The following FMN1 variants were observed in gnomAD, a reference collection of about 807,000 sequenced individuals.
The protein encoded by FMN1 is formin 1, also known as formin-1.
Under a neutral mutation model 132.4 loss-of-function variants are expected in FMN1, and 110 were observed. The ratio of observed to expected loss-of-function variants is 0.83; its 90% CI spans 0.71 to 0.97. The LOEUF (loss-of-function observed/expected upper bound fraction) is 0.97, where lower values mean the gene tolerates loss of function less well. Ranked by LOEUF, FMN1 falls within the 50% of genes least tolerant of loss-of-function variation. The pLI, the probability that FMN1 is intolerant of heterozygous loss-of-function variation, is 0.00. For synonymous variants in FMN1, 722 were observed against 651.7 expected, an observed-to-expected ratio of 1.11 and a Z score of -1.64; for missense variants, 1,792 against 1,705.3, an observed-to-expected ratio of 1.05 and a Z score of -0.90.
Position 33,065,084 on chromosome 15 carries a change from G to A in FMN1, c.2044-10C>T, listed in dbSNP as rs1475165652. The A allele has an allele frequency of 3.8e-6, 6 of 1,584,578 alleles. No homozygotes were observed. In the Admixed American group the frequency reaches 1.0e-4, roughly 27 times the overall value. Reference sequence around the variant, plus strand: ...TCAGGCTGTGGTCAGGCTGTTGAAAGAGCAGGCAAATAGTAAGTGGAATGT... The same window carrying A: ...TCAGGCTGTGGTCAGGCTGTTGAAAAAGCAGGCAAATAGTAAGTGGAATGT... On this transcript the variant is annotated splice_polypyrimidine_tract_variant and intron_variant, in intron 5 of 20. Transcript: ENST00000616417.
intron 7 of FMN1, among the ~76,000 whole-genome samples, chr15:32,997,899 A>C (rs1021896905): frequency 2.0e-5 from 3 of 152,234 alleles, no homozygotes; most frequent in Non-Finnish European, 4.4e-5. Context: ...ACACAAATGT[A>C]AATGTCCATA....
At chr15:32,882,068 A>G (rs2059784386) in intron 16 of FMN1, among the ~76,000 whole-genome samples, 1 of 152,196 alleles carries the variant, frequency 6.6e-6, no homozygotes. Context: ...AGGTGGAAGG[A>G]GAGAGACTAC....
chr15:33,104,643 A>G (rs2039415564), intron 4 of FMN1, among the ~76,000 whole-genome samples: 1 of 152,096 alleles, frequency 6.6e-6, no homozygotes, highest in African/African-American at 2.4e-5. Flanking sequence ...AGCTAGTAAT[A>G]CGTATGTATT....
rs28439346 is a variant in FMN1 at position 32,770,996 on chromosome 15, A to G, written c.*3314T>C. The stretch of plus-strand genomic sequence containing the variant: ...CTTCTGCTTGGCCACACTTTTTCTT[A>G]TTTCTTTTTCCCCAGTAAGCTGCCA... On this transcript the variant is annotated 3_prime_UTR_variant, in exon 21 of 21. Transcript: ENST00000616417. 3 of 151,160 alleles carry G rather than the reference A, an allele frequency of 2.0e-5. No individual in the cohort carries two copies. Among genetic ancestry groups the G allele is most frequent in the East Asian group, 3.9e-4 (2 of 5,090 alleles). 9.4% of individuals were successfully genotyped at this position (151,160 alleles called of 1,614,324 possible). A position where few individuals can be genotyped will look rare whatever the true frequency, so the allele number is the denominator to read the frequency against.
chr15:33,157,263 C>CAA (rs57411775), intron 3 of FMN1, among the ~76,000 whole-genome samples: 2,591 of 120,310 alleles, frequency 0.022, 65 homozygotes, highest in African/African-American at 0.063. Context: ...GACTCCATCT[C>CAA]AAAAAAAAAA....
At chr15:33,165,861 TG>T (rs1214417124) in intron 3 of FMN1, among the ~76,000 whole-genome samples, 1 of 152,198 alleles carries the variant, frequency 6.6e-6, no homozygotes, top group Non-Finnish European at 1.5e-5. Flanking sequence ...AAGACAAAGC[TG>T]ATCTGCCATC....
intron 5 of FMN1, among the ~76,000 whole-genome samples, chr15:33,085,685 T>G (rs893354782): frequency 6.6e-6 from 1 of 151,710 alleles, no homozygotes; most frequent in Non-Finnish European, 1.5e-5. Context: ...AAAATACTTA[T>G]AGAAAAGAAT....
chr15:32,991,287 T>G (rs183681730), intron 7 of FMN1, among the ~76,000 whole-genome samples: 1 of 152,298 alleles, frequency 6.6e-6, no homozygotes, highest in Non-Finnish European at 1.5e-5. Flanking sequence ...TCTCATCAAC[T>G]TATTCCTTCT....
chr15:33,077,053 G>C (rs1228728857), intron 5 of FMN1, among the ~76,000 whole-genome samples: 1 of 152,228 alleles, frequency 6.6e-6, no homozygotes, highest in African/African-American at 2.4e-5. Flanking sequence ...TTTTGAGACA[G>C]AGTCTTGCTC....
intron 6 of FMN1, among the ~76,000 whole-genome samples, chr15:33,032,348 C>T (rs11072136): frequency 0.49 from 74,116 of 152,050 alleles, 18,520 homozygotes; most frequent in Middle Eastern, 0.53. Flanking sequence ...AATGTTATTT[C>T]AATAGCAAAA....
At chr15:33,143,128 T>G (rs1964074156) in intron 4 of FMN1, among the ~76,000 whole-genome samples, 1 of 152,252 alleles carries the variant, frequency 6.6e-6, no homozygotes, top group South Asian at 2.1e-4. Context: ...CCCCAAAGGT[T>G]TGACTTTGAG....
chr15:33,103,987 A>G (rs2039389513), intron 4 of FMN1, among the ~76,000 whole-genome samples: 1 of 152,078 alleles, frequency 6.6e-6, no homozygotes, highest in Non-Finnish European at 1.5e-5. Flanking sequence ...AAATCAATTT[A>G]CTAAAAGAAA....
At chr15:32,858,865 C>A (rs1168053999) in intron 16 of FMN1, among the ~76,000 whole-genome samples, 1 of 152,178 alleles carries the variant, frequency 6.6e-6, no homozygotes, top group African/African-American at 2.4e-5. Flanking sequence ...TACCCTTCAC[C>A]TCTTTTGAAA....
At chr15:33,104,693 G>A (rs188477596) in intron 4 of FMN1, among the ~76,000 whole-genome samples, 1 of 151,992 alleles carries the variant, frequency 6.6e-6, no homozygotes, top group Non-Finnish European at 1.5e-5. Context: ...TTCTCAAATA[G>A]TTTTGTGATT....
chr15:33,023,059 C>CAAAA (rs758459713), intron 6 of FMN1, among the ~76,000 whole-genome samples: 316 of 53,058 alleles, frequency 6.0e-3, no homozygotes, highest in Non-Finnish European at 6.6e-3. Context: ...CTCCCCCACC[C>CAAAA]AAAAAAAAAA....
At chr15:32,793,808 T>C in intron 19 of FMN1, among the ~76,000 whole-genome samples, 1 of 152,166 alleles carries the variant, frequency 6.6e-6, no homozygotes, top group East Asian at 1.9e-4. Flanking sequence ...GAAAAGAAAG[T>C]TAACATGTTA....
At chr15:32,778,642 G>A (rs1205939912) in intron 19 of FMN1, among the ~76,000 whole-genome samples, 3 of 152,038 alleles carry the variant, frequency 2.0e-5, no homozygotes, top group African/African-American at 7.2e-5. Context: ...GAATCAGAAA[G>A]GAAGACAGTA....
intron 5 of FMN1, among the ~76,000 whole-genome samples, chr15:33,078,512 T>A (rs1424326430): frequency 1.3e-5 from 2 of 152,194 alleles, no homozygotes; most frequent in Non-Finnish European, 2.9e-5. Context: ...ACATACTTTC[T>A]ATAGCTGGAG....
intron 7 of FMN1, among the ~76,000 whole-genome samples, chr15:33,004,623 A>G (rs1490377530): frequency 1.3e-5 from 2 of 152,222 alleles, no homozygotes; most frequent in South Asian, 2.1e-4. Context: ...TGTGGAAGTC[A>G]GTGTGGCGAT....
Sources: allele counts gnomAD v4.1 joint callset (sites outside exome capture counted in the v4.1 genomes callset), GRCh38; gene constraint gnomAD v4.1.1; transcripts MANE v1.5; gene names NCBI Gene and HGNC (gene_info 2026-07-23, HGNC 2026-07-21).